UBE2D2: variants seen among roughly 807,000 people sequenced by gnomAD.
The protein encoded by UBE2D2 is ubiquitin-conjugating enzyme E2 D2.
UBE2D2 carries 2 observed loss-of-function variants against 24.2 expected under a neutral mutation model. The ratio of observed to expected loss-of-function variants is 0.08; its 90% CI spans 0.03 to 0.26. The LOEUF (loss-of-function observed/expected upper bound fraction) is 0.26. Among genes scored for constraint, UBE2D2 ranks in the 10% least tolerant of loss-of-function variants. UBE2D2 has a pLI of 1.00. For missense variants in UBE2D2, 44 were observed against 177.6 expected (o/e 0.25, Z 4.28); for synonymous variants, 58 against 56.5 (o/e 1.03, Z -0.12).
chr5:139,535,002 G>C (rs1018433488), intron 1 of UBE2D2, among the ~76,000 whole-genome samples: 1 of 151,804 alleles, frequency 6.6e-6, no homozygotes, highest in Non-Finnish European at 1.5e-5. Context: ...AGCCAGGTTT[G>C]GTGGTACATG....
chr5:139,551,330 CAA>C (rs1210492061), intron 1 of UBE2D2, among the ~76,000 whole-genome samples: 1 of 152,042 alleles, frequency 6.6e-6, no homozygotes, highest in Non-Finnish European at 1.5e-5. Context: ...GCCTGGGCAA[CAA>C]GAGTGAAACT....
At chr5:139,607,725 G>A (rs1039352150) in intron 2 of UBE2D2, among the ~76,000 whole-genome samples, 4 of 152,140 alleles carry the variant, frequency 2.6e-5, no homozygotes, top group African/African-American at 7.2e-5. Context: ...AAGAATGTTC[G>A]GCATGGTACA....
At chr5:139,606,810 A>T (rs541293410) in intron 2 of UBE2D2, among the ~76,000 whole-genome samples, 1 of 151,834 alleles carries the variant, frequency 6.6e-6, no homozygotes, top group Non-Finnish European at 1.5e-5. Flanking sequence ...TTCTTGAGCT[A>T]TTTCTCTTTT....
chr5:139,571,068 A>G (rs776930365), intron 1 of UBE2D2, among the ~76,000 whole-genome samples: 56 of 152,170 alleles, frequency 3.7e-4, no homozygotes, highest in Non-Finnish European at 4.6e-4. Context: ...TGCAGAGAAA[A>G]TATAAATCTT....
At chr5:139,547,080 G>C (rs1352187627) in intron 1 of UBE2D2, among the ~76,000 whole-genome samples, 4 of 151,676 alleles carry the variant, frequency 2.6e-5, no homozygotes, top group Admixed American at 2.0e-4. Flanking sequence ...CACGAGGTCA[G>C]GAGATCAAGA....
intron 5 of UBE2D2, among the ~76,000 whole-genome samples, chr5:139,617,481 A>G (rs1302482469): frequency 2.7e-5 from 4 of 150,606 alleles, no homozygotes; most frequent in Admixed American, 1.3e-4. Flanking sequence ...GGTTCAAGCA[A>G]TTCTCCTGCC....
intron 1 of UBE2D2, among the ~76,000 whole-genome samples, chr5:139,545,746 C>T (rs561888202): frequency 6.9e-6 from 1 of 144,634 alleles, no homozygotes; most frequent in East Asian, 2.1e-4. Flanking sequence ...TTTTTGGAAA[C>T]AGAGTCTTGC....
intron 1 of UBE2D2, among the ~76,000 whole-genome samples, chr5:139,551,160 T>C (rs1271015804): frequency 6.6e-6 from 1 of 151,792 alleles, no homozygotes. Flanking sequence ...GCCTGGCCAA[T>C]ATAGTGAAAC....
At chr5:139,615,002 C>A in intron 5 of UBE2D2, 36 bp downstream of exon 5, 1 of 1,538,714 alleles carries the variant, frequency 6.5e-7, no homozygotes, top group South Asian at 1.2e-5. Flanking sequence ...ATAAAGCAAC[C>A]GTGTCTTTTG....
intron 1 of UBE2D2, among the ~76,000 whole-genome samples, chr5:139,590,619 G>A (rs899748190): frequency 1.3e-5 from 2 of 151,600 alleles, no homozygotes; most frequent in African/African-American, 2.4e-5. Context: ...TGGACTCTTA[G>A]AAAAAAGTAT....
Position 139,561,728 on chromosome 5 carries a change from C to A in UBE2D2, c.-64C>A, listed in dbSNP as rs1198642668. 7.6e-7 allele frequency: 1 copy of A among 1,317,786 alleles called. No homozygotes were observed. Among genetic ancestry groups the A allele is most frequent in the Non-Finnish European group, 1.0e-6 (1 of 983,332 alleles). The allele number at this position is 1,317,786 out of a possible 1,614,324, so 81.6% of individuals were successfully genotyped here. On this transcript the variant is annotated 5_prime_UTR_variant, in exon 1 of 7. Transcript: ENST00000398733. Reference sequence around the variant, plus strand: ...CCGAGGCGGCCTCAGGCTCCCTAGCCCCTTCCCCGTCCCTTCCCCGCCCCC... The same window carrying A: ...CCGAGGCGGCCTCAGGCTCCCTAGCACCTTCCCCGTCCCTTCCCCGCCCCC...
chr5:139,621,419 A>G (rs1021513237), intron 5 of UBE2D2, among the ~76,000 whole-genome samples: 1 of 152,334 alleles, frequency 6.6e-6, no homozygotes, highest in South Asian at 2.1e-4. Flanking sequence ...TCATAGAAGT[A>G]TGTTGTATTC....
chr5:139,550,387 C>A (rs1016018803), intron 1 of UBE2D2, among the ~76,000 whole-genome samples: 5 of 152,148 alleles, frequency 3.3e-5, no homozygotes, highest in Non-Finnish European at 5.9e-5. Flanking sequence ...CCAATCAGCA[C>A]CCTGTCAAAA....
chr5:139,601,924 GA>G (rs753268686), intron 2 of UBE2D2, among the ~76,000 whole-genome samples: 46 of 147,970 alleles, frequency 3.1e-4, no homozygotes, highest in Non-Finnish European at 3.9e-4. Context: ...AAAAAAAAAA[GA>G]AAAAAAAATT....
intron 1 of UBE2D2, among the ~76,000 whole-genome samples, chr5:139,534,618 C>A (rs1276663977): frequency 6.6e-6 from 1 of 151,182 alleles, no homozygotes; most frequent in East Asian, 1.9e-4. Context: ...TGTCTGTAAT[C>A]CCAGCTACTC....
In UBE2D2 at chr5:139,561,659, C is replaced by T. The variant is rs1045496220; in HGVS notation, c.-133C>T. On this transcript the variant is annotated 5_prime_UTR_variant, in exon 1 of 7. Coordinates refer to ENST00000398733, the MANE Select transcript of UBE2D2 (RefSeq NM_003339.3). ...CCGGCCCTCAGCCCGTCCCGCCGGA[C>T]CCGCTTTCCTCAACTCTCCATCTTC... 1.3e-4 allele frequency: 85 copies of T among 636,468 alleles called. No individual in the cohort carries two copies. The highest frequency in any genetic ancestry group is 2.1e-4 in the Admixed American group (5 of 23,490). The allele number at this position is 636,468 out of a possible 1,614,324, so 39.4% of individuals were successfully genotyped here.
At chr5:139,613,892 T>C (rs1754371967) in intron 2 of UBE2D2, among the ~76,000 whole-genome samples, 1 of 152,076 alleles carries the variant, frequency 6.6e-6, no homozygotes. Flanking sequence ...CAAAACCTTG[T>C]CTCTACTAAA....
At chr5:139,568,969 C>CA (rs1457174734) in intron 1 of UBE2D2, among the ~76,000 whole-genome samples, 1 of 149,328 alleles carries the variant, frequency 6.7e-6, no homozygotes, top group African/African-American at 2.5e-5. Context: ...GACTCCGTCT[C>CA]AAAAAAGAAA....
chr5:139,545,881 G>T (rs1274569545), intron 1 of UBE2D2, among the ~76,000 whole-genome samples: 2 of 151,400 alleles, frequency 1.3e-5, no homozygotes, highest in Non-Finnish European at 1.5e-5. Flanking sequence ...GTACCACCAT[G>T]CCCAGCTAAT....
Sources: gnomAD v4.1 joint callset for allele counts (sites outside exome capture counted in the v4.1 genomes callset) on GRCh38, gnomAD v4.1.1 for gene constraint, MANE v1.5 for transcripts, NCBI Gene and HGNC (gene_info 2026-07-23, HGNC 2026-07-21) for gene names.